Variants in SLC16A14 observed in about 807,000 individuals in gnomAD.
SLC16A14 encodes solute carrier family 16 member 14, also known as monocarboxylate transporter 14.
In SLC16A14, 14 loss-of-function variants were observed where a neutral mutation model predicts 35.8. The observed-to-expected ratio is 0.39, with a 90% confidence interval of 0.26 to 0.61. The LOEUF is 0.61. Ranked by LOEUF, SLC16A14 falls within the 20% of genes least tolerant of loss-of-function variation. SLC16A14 has a pLI of 0.51. For missense variants in SLC16A14, 533 were observed against 655.0 expected (o/e 0.81, Z 2.03); for synonymous variants, 248 against 258.9 (o/e 0.96, Z 0.40).
At chr2:230,037,644 C>A in intron 4 of SLC16A14, 113 bp from the exon 5 acceptor site, 1 of 763,494 alleles carries the variant, frequency 1.3e-6, no homozygotes, top group Non-Finnish European at 2.0e-6. Flanking sequence ...ATTTATATGT[C>A]ATTTCATACC....
intron 4 of SLC16A14, among the ~76,000 whole-genome samples, chr2:230,044,738 A>ATG (rs1193379054): frequency 0.015 from 1,174 of 79,800 alleles, 12 homozygotes; most frequent in African/African-American, 0.031. Flanking sequence ...GTGTGTGTGT[A>ATG]TGTGTGTGTG....
At chr2:230,043,349 C>T (rs1429192254) in intron 4 of SLC16A14, among the ~76,000 whole-genome samples, 1 of 152,138 alleles carries the variant, frequency 6.6e-6, no homozygotes, top group African/African-American at 2.4e-5. Flanking sequence ...AAATTTCAAG[C>T]GGATTTAAAA....
chr2:230,053,406 A>G (rs2077678433), intron 2 of SLC16A14, among the ~76,000 whole-genome samples: 1 of 152,190 alleles, frequency 6.6e-6, no homozygotes, highest in South Asian at 2.1e-4. Flanking sequence ...AGAGTAATTC[A>G]GTGTTTTAGG....
At chr2:230,058,553 A>G (rs2077725749) in intron 2 of SLC16A14, among the ~76,000 whole-genome samples, 1 of 152,188 alleles carries the variant, frequency 6.6e-6, no homozygotes, top group Non-Finnish European at 1.5e-5. Context: ...AGATGAAAAA[A>G]AGTTCTAAAG....
intron 4 of SLC16A14, among the ~76,000 whole-genome samples, chr2:230,043,315 A>T (rs1446724070): frequency 1.3e-5 from 2 of 152,194 alleles, no homozygotes; most frequent in Non-Finnish European, 2.9e-5. Flanking sequence ...TGTACAGGCA[A>T]AAATCTATGA....
chr2:230,059,920 C>G (rs888462587), intron 1 of SLC16A14, among the ~76,000 whole-genome samples: 26 of 152,146 alleles, frequency 1.7e-4, no homozygotes, highest in African/African-American at 6.0e-4. Context: ...CATACTAACC[C>G]AGCTCAGGAG....
At chr2:230,050,624 G>A (rs924386248) in intron 2 of SLC16A14, among the ~76,000 whole-genome samples, 16 of 152,160 alleles carry the variant, frequency 1.1e-4, no homozygotes, top group African/African-American at 3.9e-4. Context: ...ATTCCAAGAA[G>A]CAACTTGGGG....
intron 1 of SLC16A14, among the ~76,000 whole-genome samples, chr2:230,063,704 A>C (rs996754588): frequency 6.6e-6 from 1 of 152,226 alleles, no homozygotes; most frequent in Admixed American, 6.5e-5. Flanking sequence ...CCATAGGAAA[A>C]AAGACTGGAG....
intron 3 of SLC16A14, 39 bp downstream of exon 3, chr2:230,049,722 A>T: frequency 6.2e-7 from 1 of 1,601,548 alleles, no homozygotes; most frequent in Non-Finnish European, 8.5e-7. Context: ...TGTCTTATAA[A>T]ACATTTAAAA....
In SLC16A14 at chr2:230,036,086, T is replaced by C. The variant is rs190381190; in HGVS notation, c.*1294A>G. ...GATTTGTGTGTGTGTGATGATCAAATTGTGAGTAGAAATTTAAATAGTCTT... is the reference window on the plus strand; with the variant it reads ...GATTTGTGTGTGTGTGATGATCAAACTGTGAGTAGAAATTTAAATAGTCTT... On this transcript the variant is annotated 3_prime_UTR_variant, in exon 5 of 5. Coordinates refer to ENST00000295190, the MANE Select transcript of SLC16A14 (RefSeq NM_152527.5). 2.5e-3 allele frequency: 378 copies of C among 152,746 alleles called. No homozygotes were observed. The highest frequency in any genetic ancestry group is 8.9e-3 in the African/African-American group (369 of 41,566). The allele number at this position is 152,746 out of a possible 1,614,324, so 9.5% of individuals were successfully genotyped here.
At chr2:230,064,450 GGC>G (rs2077776707) in intron 1 of SLC16A14, among the ~76,000 whole-genome samples, 1 of 152,172 alleles carries the variant, frequency 6.6e-6, no homozygotes, top group Non-Finnish European at 1.5e-5. Flanking sequence ...ATTGTCAAAG[GGC>G]CAGTGGATGA....
Position 230,045,898 on chromosome 2 carries a change from C to T in SLC16A14, c.1228G>A (p.Val410Ile). 2 of 1,612,492 alleles carry T rather than the reference C, an allele frequency of 1.2e-6. No homozygotes were observed. The highest frequency in any genetic ancestry group is 8.5e-7 in the Non-Finnish European group (1 of 1,178,616). ...PLMHTYAGLA[V>I]ICALIGFSSG... The stretch of plus-strand genomic sequence containing the variant: ...GAAAACCCTATCAGCGCACAGATGA[C>T]CGCCAGGCCAGCGTACGTGTGCATC... Residue 410 changes from valine (V) to isoleucine (I), a missense_variant, in exon 4 of 5, where the codon GTC (valine) becomes ATC (isoleucine). By Grantham distance (29) the Val-to-Ile change is conservative. Coordinates refer to ENST00000295190, the MANE Select transcript of SLC16A14 (RefSeq NM_152527.5).
Position 230,059,161 on chromosome 2 carries a change from T to A in SLC16A14, c.192A>T (p.Glu64Asp), listed in dbSNP as rs771375069. 2 of 1,614,156 alleles carry A rather than the reference T, an allele frequency of 1.2e-6. No homozygotes were observed. Among genetic ancestry groups the A allele is most frequent in the Admixed American group, 3.3e-5 (2 of 60,014 alleles). Residue 64 changes from glutamate to aspartate, a missense_variant, in exon 2 of 5, where the codon GAA (glutamate) becomes GAT (aspartate). Coordinates refer to ENST00000295190, the MANE Select transcript of SLC16A14 (RefSeq NM_152527.5). ...CGGTCAGGCCGCGGCTCTGGTGGAA[T>A]TCTTCCAGCCATTCCACGTTGAGGA... is the stretch of plus-strand genomic sequence containing the variant. ...LGVLNVEWLE[E>D]FHQSRGLTAW...
At chr2:230,050,189 G>C (rs991618437) in intron 2 of SLC16A14, among the ~76,000 whole-genome samples, 13 of 152,192 alleles carry the variant, frequency 8.5e-5, no homozygotes, top group Non-Finnish European at 1.9e-4. Context: ...GCTATCTCTA[G>C]CCTGTGGATA....
At chr2:230,047,457 C>T (rs928464773) in intron 3 of SLC16A14, among the ~76,000 whole-genome samples, 2 of 151,954 alleles carry the variant, frequency 1.3e-5, no homozygotes, top group African/African-American at 2.4e-5. Flanking sequence ...GGACTATCAC[C>T]GTGTGTGGCT....
intron 1 of SLC16A14, among the ~76,000 whole-genome samples, chr2:230,064,310 G>C (rs1416008410): frequency 6.7e-6 from 1 of 150,290 alleles, no homozygotes; most frequent in African/African-American, 2.4e-5. Flanking sequence ...GTGTGTGTGT[G>C]TGTATGTGTG....
At chr2:230,048,338 C>G (rs923236237) in intron 3 of SLC16A14, among the ~76,000 whole-genome samples, 2 of 152,216 alleles carry the variant, frequency 1.3e-5, no homozygotes, top group East Asian at 3.8e-4. Flanking sequence ...CTTATGCTAA[C>G]GCATTCATTG....
At chr2:230,044,446 C>A (rs1238168923) in intron 4 of SLC16A14, among the ~76,000 whole-genome samples, 3 of 149,526 alleles carry the variant, frequency 2.0e-5, no homozygotes, top group Non-Finnish European at 4.4e-5. Flanking sequence ...CCACTGCACT[C>A]CAGCTTGGGT....
chr2:230,043,711 T>C (rs2077578086), intron 4 of SLC16A14, among the ~76,000 whole-genome samples: 1 of 152,238 alleles, frequency 6.6e-6, no homozygotes. Flanking sequence ...TGTGTTGGCA[T>C]TCTGCCCCAG....
Sources: allele counts gnomAD v4.1 joint callset (sites outside exome capture counted in the v4.1 genomes callset), GRCh38; gene constraint gnomAD v4.1.1; transcripts MANE v1.5; gene names NCBI Gene and HGNC (gene_info 2026-07-23, HGNC 2026-07-21).